NDST3: variants seen among roughly 807,000 people sequenced by gnomAD.
NDST3 encodes bifunctional heparan sulfate N-deacetylase/N-sulfotransferase 3.
Under a neutral mutation model 96.1 loss-of-function variants are expected in NDST3, and 58 were observed. The ratio of observed to expected loss-of-function variants is 0.60; its 90% CI spans 0.49 to 0.75. The LOEUF (loss-of-function observed/expected upper bound fraction) is 0.75, where lower values mean the gene tolerates loss of function less well. Among genes scored for constraint, NDST3 ranks in the 30% least tolerant of loss-of-function variants. The probability of loss-of-function intolerance (pLI) is 0.00; values close to 1 mark genes in which losing one functional copy is unlikely to be tolerated. For missense variants in NDST3, 788 were observed against 1,034.2 expected (o/e 0.76, Z 3.27); for synonymous variants, 333 against 359.7 (o/e 0.93, Z 0.84).
intron 5 of NDST3, among the ~76,000 whole-genome samples, chr4:118,139,135 C>T (rs1733361698): frequency 6.6e-6 from 1 of 152,322 alleles, no homozygotes; most frequent in Non-Finnish European, 1.5e-5. Context: ...CCCATCTTGA[C>T]TTTTCCCTCA....
chr4:118,215,190 C>G (rs575305808), intron 6 of NDST3, among the ~76,000 whole-genome samples: 1 of 151,740 alleles, frequency 6.6e-6, no homozygotes, highest in African/African-American at 2.4e-5. Context: ...CACCTAGAGA[C>G]AGCATGTAAA....
chr4:118,083,626 A>G (rs987882554), intron 2 of NDST3, among the ~76,000 whole-genome samples: 2 of 152,180 alleles, frequency 1.3e-5, no homozygotes, highest in African/African-American at 2.4e-5. Flanking sequence ...ATTCATCAGG[A>G]AAGGGTAGAG....
chr4:118,110,252 G>A (rs557172480), intron 3 of NDST3, among the ~76,000 whole-genome samples: 1 of 152,198 alleles, frequency 6.6e-6, no homozygotes, highest in Non-Finnish European at 1.5e-5. Flanking sequence ...ACAATGAGAA[G>A]AGCAATGTTA....
chr4:118,101,254 G>A (rs1729739596), intron 2 of NDST3, among the ~76,000 whole-genome samples: 1 of 151,524 alleles, frequency 6.6e-6, no homozygotes, highest in Admixed American at 6.6e-5. Context: ...AAAATTCAAA[G>A]GCTATCATTT....
chr4:118,214,085 G>A (rs1739030380), intron 6 of NDST3, among the ~76,000 whole-genome samples: 1 of 147,450 alleles, frequency 6.8e-6, no homozygotes, highest in Non-Finnish European at 1.5e-5. Flanking sequence ...GAGATACAAA[G>A]AGGAAGTAGT....
intron 6 of NDST3, among the ~76,000 whole-genome samples, chr4:118,175,897 T>C (rs1736250537): frequency 6.6e-6 from 1 of 152,134 alleles, no homozygotes; most frequent in Admixed American, 6.6e-5. Flanking sequence ...TGTTTACAAT[T>C]GTTTGTGTGT....
At chr4:118,111,045 C>A (rs1188588741) in intron 3 of NDST3, among the ~76,000 whole-genome samples, 3 of 152,094 alleles carry the variant, frequency 2.0e-5, no homozygotes, top group Non-Finnish European at 2.9e-5. Flanking sequence ...GGCCATTATC[C>A]TAAGTAAATC....
intron 2 of NDST3, among the ~76,000 whole-genome samples, chr4:118,090,741 T>C (rs1221180794): frequency 6.6e-6 from 1 of 151,872 alleles, no homozygotes; most frequent in Non-Finnish European, 1.5e-5. Flanking sequence ...GATATATATG[T>C]CACACATAAG....
At chr4:118,193,737 C>T in intron 6 of NDST3, 1 of 1,390,188 alleles carries the variant, frequency 7.2e-7, no homozygotes, top group Non-Finnish European at 1.0e-6. Context: ...TTGTTGCTGC[C>T]CAGTTCCAGG....
chr4:118,037,414 G>A (rs902524395), intron 1 of NDST3, among the ~76,000 whole-genome samples: 1 of 152,128 alleles, frequency 6.6e-6, no homozygotes, highest in African/African-American at 2.4e-5. Context: ...AGGAAATTGA[G>A]GCACTGAGCG....
At chr4:118,203,743 T>G (rs947507210) in intron 6 of NDST3, among the ~76,000 whole-genome samples, 1 of 152,190 alleles carries the variant, frequency 6.6e-6, no homozygotes, top group South Asian at 2.1e-4. Context: ...TACTTACACA[T>G]GTAAGTGTGG....
chr4:118,102,133 T>G (rs1423310405), intron 2 of NDST3, among the ~76,000 whole-genome samples: 1 of 152,092 alleles, frequency 6.6e-6, no homozygotes, highest in Non-Finnish European at 1.5e-5. Context: ...ATTAGTGATT[T>G]TAATTATTTT....
At chr4:118,221,374 C>G (rs1157538708) in intron 6 of NDST3, among the ~76,000 whole-genome samples, 2 of 152,042 alleles carry the variant, frequency 1.3e-5, no homozygotes, top group East Asian at 3.8e-4. Flanking sequence ...TTAAACTGAG[C>G]AGCGTGGTCA....
intron 6 of NDST3, among the ~76,000 whole-genome samples, chr4:118,195,165 C>G (rs532295567): frequency 2.6e-5 from 4 of 151,894 alleles, no homozygotes; most frequent in Admixed American, 1.3e-4. Flanking sequence ...TTTTGGTGTC[C>G]TCTTCAATCT....
intron 2 of NDST3, among the ~76,000 whole-genome samples, chr4:118,061,788 A>T (rs1361202567): frequency 2.0e-5 from 3 of 152,196 alleles, no homozygotes. Context: ...TTTAGACATG[A>T]TAAAAGAAAA....
chr4:118,136,584 G>A (rs1733116665), intron 4 of NDST3, among the ~76,000 whole-genome samples: 1 of 152,116 alleles, frequency 6.6e-6, no homozygotes, highest in Non-Finnish European at 1.5e-5. Flanking sequence ...TTCTGCAAAT[G>A]ATGCAAATAA....
chr4:118,205,796 G>GTACAAATA (rs1392949791), intron 6 of NDST3, among the ~76,000 whole-genome samples: 3 of 140,102 alleles, frequency 2.1e-5, no homozygotes, highest in Non-Finnish European at 4.7e-5. Context: ...GGTGATGACA[G>GTACAAATA]TACAAATATA....
At chr4:118,116,718 T>C (rs538355709) in intron 4 of NDST3, among the ~76,000 whole-genome samples, 1 of 151,684 alleles carries the variant, frequency 6.6e-6, no homozygotes, top group South Asian at 2.1e-4. Flanking sequence ...ATTAGCCAGG[T>C]GTGGTGGCGG....
intron 6 of NDST3, among the ~76,000 whole-genome samples, chr4:118,166,674 A>G (rs1022557393): frequency 6.6e-6 from 1 of 151,974 alleles, no homozygotes; most frequent in African/African-American, 2.4e-5. Context: ...ACTAAATTCA[A>G]CAGCACATTA....
Sources: gnomAD v4.1 joint callset for allele counts (sites outside exome capture counted in the v4.1 genomes callset) on GRCh38, gnomAD v4.1.1 for gene constraint, MANE v1.5 for transcripts, NCBI Gene and HGNC (gene_info 2026-07-23, HGNC 2026-07-21) for gene names.